The following CRACD variants were observed in gnomAD, a reference collection of about 807,000 sequenced individuals.
The protein encoded by CRACD is capping protein-inhibiting regulator of actin dynamics.
A neutral mutation model predicts 106.8 loss-of-function variants in CRACD; 56 were observed. That is an observed-to-expected ratio of 0.52 (90% CI 0.42 to 0.66). The LOEUF (loss-of-function observed/expected upper bound fraction) is 0.66. Ranked by LOEUF, CRACD falls within the 30% of genes least tolerant of loss-of-function variation. The pLI is 0.00. For synonymous variants in CRACD, 754 were observed against 670.8 expected, an observed-to-expected ratio of 1.12 and a Z score of -1.92; for missense variants, 1,730 against 1,623.2, an observed-to-expected ratio of 1.07 and a Z score of -1.13.
At chr4:56,250,490 C>T (rs532090015) in intron 2 of CRACD, among the ~76,000 whole-genome samples, 1 of 152,310 alleles carries the variant, frequency 6.6e-6, no homozygotes, top group South Asian at 2.1e-4. Flanking sequence ...TGCCCAAAGT[C>T]TCCTAGCTAG....
chr4:56,216,840 CG>C (rs1738712016), intron 2 of CRACD, among the ~76,000 whole-genome samples: 1 of 150,756 alleles, frequency 6.6e-6, no homozygotes, highest in African/African-American at 2.4e-5. Flanking sequence ...ATTAGCCGGG[CG>C]CGGTGGCGGG....
chr4:56,102,321 C>T (rs1025172941), intron 1 of CRACD, among the ~76,000 whole-genome samples: 2 of 152,194 alleles, frequency 1.3e-5, no homozygotes, highest in Admixed American at 1.3e-4. Context: ...TTATTAACTA[C>T]TTGGGTTTTT....
chr4:56,325,830 G>A (rs1746405170), intron 10 of CRACD, among the ~76,000 whole-genome samples: 1 of 152,180 alleles, frequency 6.6e-6, no homozygotes, highest in African/African-American at 2.4e-5. Context: ...CTGAGGTCAA[G>A]AGATATTAAG....
chr4:56,170,118 A>G (rs891075894), intron 1 of CRACD: 2 of 152,620 alleles, frequency 1.3e-5, no homozygotes, highest in African/African-American at 4.8e-5. Context: ...CATCCCCTGT[A>G]ATGGAATAAC....
At chr4:56,256,318 A>G in intron 2 of CRACD, among the ~76,000 whole-genome samples, 1 of 152,154 alleles carries the variant, frequency 6.6e-6, no homozygotes, top group Non-Finnish European at 1.5e-5. Context: ...GTCGGCCACC[A>G]TGTGAGATCT....
rs1278955827 is a variant in CRACD, at chr4:56,314,120, G to A, written c.618G>A (p.Thr206=). The A allele has an allele frequency of 1.9e-6, 3 of 1,614,208 alleles. No homozygotes were observed. The highest frequency in any genetic ancestry group is 2.5e-6 in the Non-Finnish European group (3 of 1,180,052). The part of the protein sequence containing the change: ...QNGHPGEDKP[T]WHEEEPNPLD... ...GACACCCAGGCGAGGACAAGCCAAC[G>A]TGGCACGAAGAGGAACCCAATCCGC... Residue 206 remains threonine (T), a synonymous_variant, in exon 8 of 11, where the codon ACG becomes ACA. Coordinates refer to ENST00000682029, the MANE Select transcript of CRACD (RefSeq NM_001393381.1). The surrounding 1 kb of genome is among the most constrained non-coding windows in gnomAD (Gnocchi z 4.4).
rs1451300230 is a variant in CRACD at position 56,148,421 on chromosome 4, G to T, written c.-335-30863G>T. On this transcript the variant is annotated intron_variant, in intron 1 of 10. Coordinates refer to ENST00000682029, the MANE Select transcript of CRACD (RefSeq NM_001393381.1). ...TCCTCCCACCTCAGCCTCCTGAGGA[G>T]CTGGGACTACAGGTGTGTATCGCCA... Among the ~76,000 whole-genome samples the T allele has an allele frequency of 2.0e-5, 3 of 152,230 alleles. No homozygotes were observed. The East Asian group carries it at 5.8e-4, about 30-fold the overall frequency.
intron 3 of CRACD, among the ~76,000 whole-genome samples, chr4:56,285,370 G>A (rs1032660048): frequency 6.6e-5 from 10 of 152,342 alleles, no homozygotes; most frequent in South Asian, 2.1e-4. Flanking sequence ...ATAGAACCCA[G>A]TGATGGTATT....
chr4:56,249,992 T>C (rs1446342391), intron 2 of CRACD, among the ~76,000 whole-genome samples: 2 of 152,226 alleles, frequency 1.3e-5, no homozygotes, highest in South Asian at 2.1e-4. Flanking sequence ...TAATAAGTCC[T>C]GGGATTTGGG....
chr4:56,308,262 C>T (rs1744881617), intron 5 of CRACD, among the ~76,000 whole-genome samples: 3 of 152,056 alleles, frequency 2.0e-5, no homozygotes, highest in African/African-American at 4.8e-5. Flanking sequence ...AACAGGCCAA[C>T]TTGAAGAGTA....
At chr4:56,094,742 T>G (rs1044395902) in intron 1 of CRACD, among the ~76,000 whole-genome samples, 1 of 152,180 alleles carries the variant, frequency 6.6e-6, no homozygotes, top group African/African-American at 2.4e-5. Context: ...GTACATTCAT[T>G]TTTATATGTT....
At chr4:56,227,588 T>A (rs1331840644) in intron 2 of CRACD, among the ~76,000 whole-genome samples, 1 of 152,180 alleles carries the variant, frequency 6.6e-6, no homozygotes, top group Admixed American at 6.5e-5. Flanking sequence ...AAGGGCCAGA[T>A]AGTAAATATT....
At chr4:56,265,430 G>T (rs35919672) in intron 2 of CRACD, among the ~76,000 whole-genome samples, 31 of 151,278 alleles carry the variant, frequency 2.0e-4, no homozygotes, top group Middle Eastern at 3.4e-3. Context: ...GTGTGTGTGT[G>T]TGTGTGTGTG....
chr4:56,211,021 T>G (rs929777240), intron 2 of CRACD, among the ~76,000 whole-genome samples: 11 of 152,204 alleles, frequency 7.2e-5, no homozygotes, highest in Non-Finnish European at 1.6e-4. Flanking sequence ...TTGAAATCTT[T>G]TTAGACACTT....
At chr4:56,238,558 CA>C (rs1740136288) in intron 2 of CRACD, among the ~76,000 whole-genome samples, 2 of 152,206 alleles carry the variant, frequency 1.3e-5, no homozygotes, top group African/African-American at 2.4e-5. Flanking sequence ...ATCAACAACT[CA>C]TTGTAGGAAC....
intron 2 of CRACD, among the ~76,000 whole-genome samples, chr4:56,267,313 G>A (rs544667502): frequency 1.3e-5 from 2 of 151,956 alleles, no homozygotes; most frequent in Admixed American, 6.5e-5. Flanking sequence ...TAGTAGAGAC[G>A]GTGTTTCACG....
intron 1 of CRACD, among the ~76,000 whole-genome samples, chr4:56,158,398 A>ATTTT (rs1560466972): frequency 6.6e-6 from 1 of 151,046 alleles, no homozygotes. Flanking sequence ...TTTTTTTTTA[A>ATTTT]AAATAATTCC....
intron 1 of CRACD, among the ~76,000 whole-genome samples, chr4:56,155,724 A>G (rs565114577): frequency 1.1e-4 from 17 of 152,328 alleles, no homozygotes; most frequent in African/African-American, 2.9e-4. Context: ...ATTTGTGTGC[A>G]TGCTTTCTGA....
intron 3 of CRACD, among the ~76,000 whole-genome samples, chr4:56,282,777 G>C (rs1365270923): frequency 2.6e-5 from 4 of 152,202 alleles, no homozygotes; most frequent in Non-Finnish European, 5.9e-5. Context: ...GGCAGTCCCT[G>C]TCTTGTATGA....
Sources: allele counts gnomAD v4.1 joint callset (sites outside exome capture counted in the v4.1 genomes callset), GRCh38; gene constraint gnomAD v4.1.1; non-coding constraint Gnocchi (gnomAD v3.1); transcripts MANE v1.5; gene names NCBI Gene and HGNC (gene_info 2026-07-23, HGNC 2026-07-21).